Variants in SCFD1 observed in about 807,000 individuals in gnomAD.
SCFD1 encodes the protein sec1 family domain containing 1.
In SCFD1, 37 loss-of-function variants were observed where a neutral mutation model predicts 103.2. The ratio of observed to expected loss-of-function variants is 0.36; its 90% CI spans 0.28 to 0.47. The LOEUF (loss-of-function observed/expected upper bound fraction) is 0.47, where lower values mean the gene tolerates loss of function less well. Ranked by LOEUF, SCFD1 falls within the 20% of genes least tolerant of loss-of-function variation. The pLI is 1.00. For synonymous variants in SCFD1, 264 were observed against 245.0 expected, an observed-to-expected ratio of 1.08 and a Z score of -0.73; for missense variants, 639 against 761.2, an observed-to-expected ratio of 0.84 and a Z score of 1.89.
chr14:30,625,325 T>C (rs1182769209), intron 1 of SCFD1, among the ~76,000 whole-genome samples: 1 of 152,186 alleles, frequency 6.6e-6, no homozygotes, highest in Non-Finnish European at 1.5e-5. Context: ...GGAGTGTTTT[T>C]GATTTTGGAA....
intron 15 of SCFD1, among the ~76,000 whole-genome samples, chr14:30,696,552 T>C (rs572997210): frequency 6.6e-6 from 1 of 152,318 alleles, no homozygotes; most frequent in South Asian, 2.1e-4. Flanking sequence ...GAATAAGATG[T>C]TGGAACCTGA....
intron 21 of SCFD1, among the ~76,000 whole-genome samples, chr14:30,720,627 C>T (rs1157365130): frequency 6.6e-6 from 1 of 152,030 alleles, no homozygotes; most frequent in East Asian, 1.9e-4. Flanking sequence ...TGTGTTTATT[C>T]TCTAAGCAAT....
At chr14:30,637,516 A>T (rs1033301274) in intron 4 of SCFD1, among the ~76,000 whole-genome samples, 7 of 152,164 alleles carry the variant, frequency 4.6e-5, no homozygotes, top group Admixed American at 4.6e-4. Flanking sequence ...TTTTATTGGC[A>T]TCATTAATTC....
At chr14:30,729,304 C>G (rs1893276348) in intron 23 of SCFD1, among the ~76,000 whole-genome samples, 1 of 151,988 alleles carries the variant, frequency 6.6e-6, no homozygotes, top group African/African-American at 2.4e-5. Flanking sequence ...CGTGGCATAT[C>G]TAAGAATCCT....
At chr14:30,705,474 T>C (rs562334170) in intron 17 of SCFD1, among the ~76,000 whole-genome samples, 1 of 152,118 alleles carries the variant, frequency 6.6e-6, no homozygotes, top group Admixed American at 6.5e-5. Flanking sequence ...CATTTGTGCT[T>C]CTTTAAGAAT....
At chr14:30,730,439 C>T (rs1292008760) in intron 23 of SCFD1, among the ~76,000 whole-genome samples, 2 of 152,234 alleles carry the variant, frequency 1.3e-5, no homozygotes, top group Non-Finnish European at 2.9e-5. Context: ...GCCACACTGT[C>T]TTCCCCAATG....
At chr14:30,734,448 C>T (rs1893695124) in intron 23 of SCFD1, 1 of 291,668 alleles carries the variant, frequency 3.4e-6, no homozygotes, top group Admixed American at 4.4e-5. Flanking sequence ...TCAAGTAGTA[C>T]ACATCCTACA....
intron 11 of SCFD1, among the ~76,000 whole-genome samples, chr14:30,672,029 G>GA (rs1201911414): frequency 2.0e-5 from 3 of 147,220 alleles, no homozygotes; most frequent in Non-Finnish European, 4.5e-5. Flanking sequence ...AAAAAAAAAA[G>GA]AAAGAAAAGA....
intron 19 of SCFD1, among the ~76,000 whole-genome samples, chr14:30,714,330 C>T (rs1381078598): frequency 1.3e-5 from 2 of 149,422 alleles, no homozygotes; most frequent in African/African-American, 2.5e-5. Context: ...GTCCGCAGTC[C>T]GGCCTGGGCG....
intron 2 of SCFD1, among the ~76,000 whole-genome samples, chr14:30,629,341 CAT>C (rs892438913): frequency 3.0e-4 from 45 of 152,250 alleles, no homozygotes; most frequent in African/African-American, 1.0e-3. Flanking sequence ...TTCATAACAA[CAT>C]GTTTCATTCT....
intron 23 of SCFD1, among the ~76,000 whole-genome samples, chr14:30,724,139 G>T (rs1422868211): frequency 2.8e-5 from 4 of 140,830 alleles, no homozygotes; most frequent in African/African-American, 8.0e-5. Context: ...GTTTCGATTT[G>T]CATTTCTCTA....
At chr14:30,733,810 C>T (rs1180479158) in intron 23 of SCFD1, among the ~76,000 whole-genome samples, 1 of 152,198 alleles carries the variant, frequency 6.6e-6, no homozygotes, top group Non-Finnish European at 1.5e-5. Context: ...TTTTGCCTAC[C>T]TGACCAGAGA....
chr14:30,622,659 G>C (rs764151725), intron 1 of SCFD1, among the ~76,000 whole-genome samples: 32 of 152,138 alleles, frequency 2.1e-4, no homozygotes, highest in Non-Finnish European at 3.5e-4. Context: ...GTGGGCATCA[G>C]AAGGCCATCA....
chr14:30,725,879 T>C (rs571274206), intron 23 of SCFD1, among the ~76,000 whole-genome samples: 6 of 152,138 alleles, frequency 3.9e-5, no homozygotes, highest in African/African-American at 1.4e-4. Flanking sequence ...GCAAACCGTC[T>C]CTATAAACGG....
At chr14:30,700,430 T>C (rs563606388) in intron 16 of SCFD1, among the ~76,000 whole-genome samples, 172 bp downstream of exon 16, 1 of 152,286 alleles carries the variant, frequency 6.6e-6, no homozygotes, top group East Asian at 1.9e-4. Context: ...CCCAACACTT[T>C]GGGAGGCCGA....
chr14:30,714,128 A>T lies in SCFD1; in HGVS notation c.1630-1796A>T, dbSNP rs1892091445. Reference sequence around the variant, plus strand: ...TTTGGGAGGCCGAGGCAGGTGGATCATGAGGTCAGGAGATCGAGACCATCC... The same window carrying T: ...TTTGGGAGGCCGAGGCAGGTGGATCTTGAGGTCAGGAGATCGAGACCATCC... On this transcript the variant is annotated intron_variant, in intron 19 of 24. Transcript: ENST00000458591. Among the ~76,000 whole-genome samples, 2 of 151,540 alleles carry T rather than the reference A, an allele frequency of 1.3e-5. 1 individual carries two copies. Among genetic ancestry groups the T allele is most frequent in the South Asian group, 4.2e-4 (2 of 4,798 alleles).
At chr14:30,727,207 A>G (rs563096264) in intron 23 of SCFD1, among the ~76,000 whole-genome samples, 32 of 152,318 alleles carry the variant, frequency 2.1e-4, no homozygotes, top group African/African-American at 7.2e-4. Flanking sequence ...ACATGTTACT[A>G]TGAGTAGTTG....
At chr14:30,651,302 G>A (rs1161591004) in intron 9 of SCFD1, among the ~76,000 whole-genome samples, 2 of 152,078 alleles carry the variant, frequency 1.3e-5, no homozygotes, top group Non-Finnish European at 2.9e-5. Flanking sequence ...ATAAACAGAT[G>A]CCCAGAGAAA....
chr14:30,734,246 G>A (rs78067172), intron 23 of SCFD1, among the ~76,000 whole-genome samples: 2,963 of 152,180 alleles, frequency 0.019, 52 homozygotes, highest in Middle Eastern at 0.034. Flanking sequence ...TTAGCAAATC[G>A]CTAATAGAGA....
Sources: gnomAD v4.1 joint callset for allele counts (sites outside exome capture counted in the v4.1 genomes callset) on GRCh38, gnomAD v4.1.1 for gene constraint, MANE v1.5 for transcripts, NCBI Gene and HGNC (gene_info 2026-07-23, HGNC 2026-07-21) for gene names.